PRRC2B: variants seen among roughly 807,000 people sequenced by gnomAD.
PRRC2B encodes the protein protein PRRC2B.
In PRRC2B, 68 loss-of-function variants were observed where a neutral mutation model predicts 242.3. The ratio of observed to expected loss-of-function variants is 0.28; its 90% CI spans 0.23 to 0.34. PRRC2B has a LOEUF of 0.34. PRRC2B is among the 10% of genes least tolerant of loss of function. The pLI, the probability that PRRC2B is intolerant of heterozygous loss-of-function variation, is 1.00. For missense variants in PRRC2B, 2,835 were observed against 2,954.8 expected, an observed-to-expected ratio of 0.96 and a Z score of 0.94; for synonymous variants, 1,228 against 1,173.6, an observed-to-expected ratio of 1.05 and a Z score of -0.95.
intron 19 of PRRC2B, among the ~76,000 whole-genome samples, chr9:131,481,403 C>T (rs187283724): frequency 6.6e-6 from 1 of 150,860 alleles, no homozygotes; most frequent in Non-Finnish European, 1.5e-5. Context: ...TGAAAAGAAG[C>T]ATGAGCATAG....
intron 1 of PRRC2B, among the ~76,000 whole-genome samples, chr9:131,412,336 A>G (rs950498935): frequency 3.9e-5 from 6 of 151,900 alleles, no homozygotes; most frequent in South Asian, 4.2e-4. Context: ...TGTGCGTTTC[A>G]TCTGTATAGT....
chr9:131,495,820 G>A lies in PRRC2B; in HGVS notation c.6636G>A (p.Lys2212=), dbSNP rs767647373. 3.1e-6 allele frequency: 5 copies of A among 1,612,816 alleles called. No individual in the cohort carries two copies. The South Asian group carries it at 3.3e-5, about 11-fold the overall frequency. The part of the protein sequence containing the change: ...QEAPSAASQM[K]RTGAIKPRAV... ...CCCCCTCGGCTGCCTCCCAGATGAA[G>A]CGAACCGGAGCGATCAAGCCTCGGG... The change falls in exon 32 of 32, where the codon AAG becomes AAA. Residue 2212 remains lysine (K), a synonymous_variant. Coordinates refer to ENST00000683519, the MANE Select transcript of PRRC2B (RefSeq NM_013318.4).
At chr9:131,420,466 T>TTTCTTTCTTTCTTTCTTTCTTTCTTTCC (rs1837784660) in intron 1 of PRRC2B, among the ~76,000 whole-genome samples, 1 of 9,072 alleles carries the variant, frequency 1.1e-4, no homozygotes, top group African/African-American at 2.1e-4. Context: ...TCTTTCTTTC[T>TTTCTTTCTTTCTTTCTTTCTTTCTTTCC]TTCTTTCTTT....
intron 3 of PRRC2B, among the ~76,000 whole-genome samples, chr9:131,434,170 AGAG>A (rs988266785): frequency 1.2e-4 from 18 of 152,352 alleles, no homozygotes; most frequent in Non-Finnish European, 2.4e-4. Context: ...AACCTGGCAC[AGAG>A]GAGGGGCAGA....
In PRRC2B at chr9:131,492,163, C is replaced by T; in HGVS notation, c.6382-6C>T. ...ATGACAGCTTGTTCCTGCTTGGTCT[C>T]TCTAGCCCTCTCAGATGGAGATGAA... On this transcript the variant is annotated splice_polypyrimidine_tract_variant and splice_region_variant and intron_variant, in intron 29 of 31. Transcript: ENST00000683519. 4 of 1,612,578 alleles carry T rather than the reference C, an allele frequency of 2.5e-6. No individual in the cohort carries two copies. The highest frequency in any genetic ancestry group is 1.7e-4 in the Middle Eastern group (1 of 6,056).
chr9:131,473,522 A>G lies in PRRC2B; in HGVS notation c.2122A>G (p.Met708Val), dbSNP rs758271908. The part of the protein sequence containing the change: ...ALHPSGLMKP[M>V]MPQESLNGTG... ...GCCTTCTTCAGGACTGATGAAGCCCATGATGCCCCAGGAGTCCCTCAATGG... is the reference window on the plus strand; with the variant it reads ...GCCTTCTTCAGGACTGATGAAGCCCGTGATGCCCCAGGAGTCCCTCAATGG... Residue 708 changes from methionine to valine, a missense_variant, in exon 15 of 32, where the codon ATG (methionine) becomes GTG (valine). By Grantham distance (21) the Met-to-Val change is conservative (BLOSUM62 1). Transcript: ENST00000683519. The G allele has an allele frequency of 1.1e-5, 17 of 1,602,134 alleles. No individual in the cohort carries two copies. Among genetic ancestry groups the G allele is most frequent in the East Asian group, 2.3e-5 (1 of 44,220 alleles).
intron 1 of PRRC2B, among the ~76,000 whole-genome samples, chr9:131,423,722 G>A (rs991914213): frequency 6.6e-6 from 1 of 152,162 alleles, no homozygotes; most frequent in Non-Finnish European, 1.5e-5. Context: ...TCAGGCTGCC[G>A]GCCCCTGCTC....
Position 131,446,291 on chromosome 9 carries a change from T to C in PRRC2B, c.614-110T>C. ...CTTCACTTTTGGTGTTTTTTGTTTT[T>C]CATTTTATTTTTTTGGTGAAGGAGG... is the stretch of plus-strand genomic sequence containing the variant. On this transcript the variant is annotated intron_variant, in intron 6 of 31. Coordinates refer to ENST00000683519, the MANE Select transcript of PRRC2B (RefSeq NM_013318.4). The surrounding 1 kb of genome is among the most constrained non-coding windows in gnomAD (Gnocchi z 4.1). 7.3e-7 allele frequency: 1 copy of C among 1,367,028 alleles called. No individual in the cohort carries two copies. Among genetic ancestry groups the C allele is most frequent in the Non-Finnish European group, 9.9e-7 (1 of 1,015,086 alleles). The allele number at this position is 1,367,028 out of a possible 1,614,324, so 84.7% of individuals were successfully genotyped here.
intron 11 of PRRC2B, among the ~76,000 whole-genome samples, chr9:131,463,663 C>T (rs1339803534): frequency 7.4e-6 from 1 of 135,578 alleles, no homozygotes; most frequent in Non-Finnish European, 1.5e-5. Flanking sequence ...GGGATCTAGC[C>T]TTGTCCCCTG....
intron 1 of PRRC2B, among the ~76,000 whole-genome samples, chr9:131,413,007 T>A (rs1837544738): frequency 6.6e-6 from 1 of 152,200 alleles, no homozygotes; most frequent in African/African-American, 2.4e-5. Flanking sequence ...AAATAGTAAC[T>A]TCTTTTAGAA....
At chr9:131,471,110 T>G in intron 14 of PRRC2B, 127 bp downstream of exon 14, 1 of 602,870 alleles carries the variant, frequency 1.7e-6, no homozygotes, top group Non-Finnish European at 2.9e-6. Context: ...ACACAACTGG[T>G]CTGAGTTTCA....
At position 131,499,172 on chromosome 9, in the gene PRRC2B, C is replaced by G. The variant is rs1409111040; in HGVS notation, c.*3298C>G. The G allele has an allele frequency of 6.6e-6, 1 of 152,234 alleles. No homozygotes were observed. Among genetic ancestry groups the G allele is most frequent in the Non-Finnish European group, 1.5e-5 (1 of 68,052 alleles). 9.4% of individuals were successfully genotyped at this position (152,234 alleles called of 1,614,324 possible). A position where few individuals can be genotyped will look rare whatever the true frequency, so the allele number is the denominator to read the frequency against. ...TGTTAAACGTTGACATCAGTGCTCT[C>G]CAGCCGTGCTGTCACCCTCCTATCT... On this transcript the variant is annotated 3_prime_UTR_variant, in exon 32 of 32. Transcript: ENST00000683519.
chr9:131,466,950 C>T (rs1588269187), intron 12 of PRRC2B, among the ~76,000 whole-genome samples: 2 of 151,966 alleles, frequency 1.3e-5, no homozygotes, highest in Admixed American at 6.6e-5. Context: ...TACAGGTGCC[C>T]GCCACCACGC....
At chr9:131,447,610 T>C in intron 8 of PRRC2B, 52 bp from the exon 9 acceptor site, 1 of 1,467,934 alleles carries the variant, frequency 6.8e-7, no homozygotes, top group Non-Finnish European at 9.1e-7. Flanking sequence ...GGTATTTGAT[T>C]TTGCTTCCGT....
intron 1 of PRRC2B, among the ~76,000 whole-genome samples, chr9:131,420,678 C>A (rs976893296): frequency 2.7e-5 from 4 of 150,926 alleles, no homozygotes; most frequent in African/African-American, 9.7e-5. Context: ...TCAGTAGAGT[C>A]AGGGTGTCGC....
At chr9:131,408,242 G>A (rs866816193) in intron 1 of PRRC2B, among the ~76,000 whole-genome samples, 6 of 152,206 alleles carry the variant, frequency 3.9e-5, no homozygotes, top group African/African-American at 9.6e-5. Flanking sequence ...GGGGTTACAG[G>A]TCTCAACTCT....
At chr9:131,444,051 C>T in intron 5 of PRRC2B, 134 bp from the exon 6 acceptor site, 1 of 991,706 alleles carries the variant, frequency 1.0e-6, no homozygotes, top group Non-Finnish European at 1.5e-6. Flanking sequence ...TCTGCCAGCA[C>T]AGAGCACCCT....
chr9:131,406,089 T>G (rs1225724910), intron 1 of PRRC2B, among the ~76,000 whole-genome samples: 1 of 151,968 alleles, frequency 6.6e-6, no homozygotes, highest in Non-Finnish European at 1.5e-5. Flanking sequence ...GATTCAGCCC[T>G]CCCCGGGGGC....
At chr9:131,458,272 G>T (rs1008017270) in intron 10 of PRRC2B, among the ~76,000 whole-genome samples, 2 of 152,104 alleles carry the variant, frequency 1.3e-5, no homozygotes, top group African/African-American at 2.4e-5. Flanking sequence ...AGACGGACAC[G>T]CACCTGGGAG....
Sources: gnomAD v4.1 joint callset for allele counts (sites outside exome capture counted in the v4.1 genomes callset) on GRCh38, gnomAD v4.1.1 for gene constraint, Gnocchi (gnomAD v3.1) non-coding constraint, MANE v1.5 for transcripts, NCBI Gene and HGNC (gene_info 2026-07-23, HGNC 2026-07-21) for gene names.